The following SESN1 variants were observed in gnomAD, a reference collection of about 807,000 sequenced individuals.
The protein encoded by SESN1 is sestrin-1.
Under a neutral mutation model 59.3 loss-of-function variants are expected in SESN1, and 30 were observed. The ratio of observed to expected loss-of-function variants is 0.51; its 90% confidence interval spans 0.38 to 0.69. The LOEUF is 0.69. SESN1 is among the 30% of genes least tolerant of loss of function. The probability of loss-of-function intolerance (pLI) is 0.00; values close to 1 mark genes in which losing one functional copy is unlikely to be tolerated. For missense variants in SESN1, 566 were observed against 673.0 expected, an observed-to-expected ratio of 0.84 and a Z score of 1.76; for synonymous variants, 197 against 219.9, an observed-to-expected ratio of 0.90 and a Z score of 0.92.
intron 1 of SESN1, among the ~76,000 whole-genome samples, chr6:109,070,905 C>T (rs1230791502): frequency 1.3e-5 from 2 of 152,210 alleles, no homozygotes; most frequent in African/African-American, 4.8e-5. Flanking sequence ...CCATAGGCTA[C>T]ACCTTGAGTA....
intron 1 of SESN1, among the ~76,000 whole-genome samples, chr6:109,015,827 ACT>A (rs1779919542): frequency 6.6e-6 from 1 of 152,176 alleles, no homozygotes; most frequent in Non-Finnish European, 1.5e-5. Flanking sequence ...GACTGAATAT[ACT>A]CTGTGTTGTA....
At chr6:109,055,859 A>C (rs1374142944) in intron 1 of SESN1, among the ~76,000 whole-genome samples, 2 of 152,126 alleles carry the variant, frequency 1.3e-5, no homozygotes, top group East Asian at 3.8e-4. Flanking sequence ...TAGTTACTCA[A>C]TATGTTTGTG....
chr6:109,070,294 C>A (rs1007095472), intron 1 of SESN1, among the ~76,000 whole-genome samples: 10 of 152,204 alleles, frequency 6.6e-5, no homozygotes, highest in African/African-American at 2.4e-4. Context: ...CCAGATTATG[C>A]TTCAGGTACT....
In SESN1 at chr6:109,049,317, C is replaced by CA. The variant is rs778633904; in HGVS notation, c.279+44477dup. 4.7e-3 allele frequency among the ~76,000 whole-genome samples: 645 copies of CA among 137,026 alleles called. 2 individuals are homozygous for CA. Among genetic ancestry groups the CA allele is most frequent in the Non-Finnish European group, 6.1e-3 (381 of 62,924 alleles). The allele number at this position is 137,026 out of a possible 152,430, so 89.9% of individuals were successfully genotyped here. On this transcript the variant is annotated intron_variant, in intron 1 of 9. Transcript: ENST00000436639. ...TATGTTCTCACTCATATGTGAAAGC[C>CA]AAAAAAAAAAAGTTGATCTCATGGA...
chr6:109,083,439 CAGATAGT>C (rs1781157472), intron 1 of SESN1, among the ~76,000 whole-genome samples: 1 of 152,076 alleles, frequency 6.6e-6, no homozygotes, highest in South Asian at 2.1e-4. Flanking sequence ...TAGGGTTTGG[CAGATAGT>C]AGATACACAC....
intron 1 of SESN1, among the ~76,000 whole-genome samples, chr6:109,067,006 A>G (rs935891538): frequency 3.9e-5 from 6 of 152,218 alleles, no homozygotes; most frequent in Non-Finnish European, 7.3e-5. Flanking sequence ...CGCAAAATCA[A>G]TTATGTTTCC....
At chr6:109,016,473 C>T (rs1349184998) in intron 1 of SESN1, among the ~76,000 whole-genome samples, 2 of 152,122 alleles carry the variant, frequency 1.3e-5, no homozygotes, top group Admixed American at 6.6e-5. Flanking sequence ...CTCTTGCTTT[C>T]CAAGAGGGTA....
chr6:108,991,116 T>C (rs927186310), intron 7 of SESN1, among the ~76,000 whole-genome samples: 7 of 151,952 alleles, frequency 4.6e-5, no homozygotes, highest in Admixed American at 1.3e-4. Flanking sequence ...CCCTTACACA[T>C]TGGCCTTTAT....
At chr6:109,091,435 A>G (rs1296107451) in intron 1 of SESN1, among the ~76,000 whole-genome samples, 1 of 152,174 alleles carries the variant, frequency 6.6e-6, no homozygotes, top group Non-Finnish European at 1.5e-5. Flanking sequence ...CAGGTCTGCC[A>G]AACTCCAGAG....
At chr6:108,997,609 A>G (rs1385631593) in intron 5 of SESN1, among the ~76,000 whole-genome samples, 2 of 152,176 alleles carry the variant, frequency 1.3e-5, no homozygotes, top group Non-Finnish European at 2.9e-5. Context: ...AAACCTCACA[A>G]TAACTTTGTG....
chr6:109,087,698 TA>T (rs1011038479), intron 1 of SESN1, among the ~76,000 whole-genome samples: 1 of 151,422 alleles, frequency 6.6e-6, no homozygotes, highest in African/African-American at 2.4e-5. Flanking sequence ...AAATGGCAGT[TA>T]AAAAAAAATC....
Position 108,986,819 on chromosome 6 carries a change from GCTT to G in SESN1, c.*722_*724del, listed in dbSNP as rs1233169058. The G allele has an allele frequency of 5.3e-5, 8 of 152,180 alleles. No homozygotes were observed. Among genetic ancestry groups the G allele is most frequent in the Non-Finnish European group, 7.4e-5 (5 of 68,020 alleles). The allele number at this position is 152,180 out of a possible 1,614,324, so 9.4% of individuals were successfully genotyped here. On this transcript the variant is annotated 3_prime_UTR_variant, in exon 10 of 10. Coordinates refer to ENST00000436639, the MANE Select transcript of SESN1 (RefSeq NM_014454.3). ...GAAACAGCATATCAAAAGATCGCCA[GCTT>G]CTTATAATTTACACACTTTCATTTA...
intron 1 of SESN1, among the ~76,000 whole-genome samples, chr6:109,050,137 A>T (rs1029978433): frequency 6.6e-6 from 1 of 152,196 alleles, no homozygotes; most frequent in Non-Finnish European, 1.5e-5. Context: ...ACTTTTCAAC[A>T]GGTTTTATGG....
chr6:109,077,497 T>G (rs534678119), intron 1 of SESN1, among the ~76,000 whole-genome samples: 3 of 152,326 alleles, frequency 2.0e-5, no homozygotes, highest in Admixed American at 1.3e-4. Context: ...AGTGCACAGA[T>G]AGTTGTGTAA....
At chr6:109,034,586 T>G (rs896883170) in intron 1 of SESN1, among the ~76,000 whole-genome samples, 1 of 152,232 alleles carries the variant, frequency 6.6e-6, no homozygotes, top group Non-Finnish European at 1.5e-5. Context: ...CTGGGCACAT[T>G]GCCACTGAGA....
At chr6:109,022,649 C>T (rs1451547075) in intron 1 of SESN1, among the ~76,000 whole-genome samples, 1 of 151,846 alleles carries the variant, frequency 6.6e-6, no homozygotes, top group East Asian at 1.9e-4. Flanking sequence ...CTCCTGACCT[C>T]GTGATCTGTC....
chr6:109,077,627 C>CA (rs1781052234), intron 1 of SESN1, among the ~76,000 whole-genome samples: 1 of 152,186 alleles, frequency 6.6e-6, no homozygotes, highest in African/African-American at 2.4e-5. Flanking sequence ...AGCTGCACCC[C>CA]ACCTTTGGGA....
intron 5 of SESN1, 110 bp downstream of exon 5, chr6:108,998,403 T>G: frequency 7.6e-7 from 1 of 1,311,354 alleles, no homozygotes; most frequent in South Asian, 1.4e-5. Flanking sequence ...GGGCCCAATA[T>G]CTCCACAGTC....
intron 1 of SESN1, among the ~76,000 whole-genome samples, chr6:109,069,472 T>C (rs1418851020): frequency 6.6e-6 from 1 of 152,138 alleles, no homozygotes; most frequent in African/African-American, 2.4e-5. Context: ...AAATCAACTG[T>C]AACAAAATCT....
Sources: allele counts gnomAD v4.1 joint callset (sites outside exome capture counted in the v4.1 genomes callset), GRCh38; gene constraint gnomAD v4.1.1; transcripts MANE v1.5; gene names NCBI Gene and HGNC (gene_info 2026-07-23, HGNC 2026-07-21).